NTM: variants seen among roughly 807,000 people sequenced by gnomAD.
The protein encoded by NTM is neurotrimin, also known as IgLON family member 2.
Under a neutral mutation model 42.1 loss-of-function variants are expected in NTM, and 13 were observed. The ratio of observed to expected loss-of-function variants is 0.31; its 90% CI spans 0.20 to 0.49. NTM has a LOEUF of 0.49. Among genes scored for constraint, NTM ranks in the 20% least tolerant of loss-of-function variants. NTM has a pLI of 0.99. For missense variants in NTM, 373 were observed against 452.8 expected, an observed-to-expected ratio of 0.82 and a Z score of 1.60; for synonymous variants, 187 against 179.2, an observed-to-expected ratio of 1.04 and a Z score of -0.35.
chr11:132,023,615 T>G (rs983636430), intron 2 of NTM, among the ~76,000 whole-genome samples: 1 of 152,180 alleles, frequency 6.6e-6, no homozygotes, highest in Non-Finnish European at 1.5e-5. Context: ...CACCCCTCTG[T>G]CCGATAGGAT....
At chr11:132,273,194 GTATAT>G (rs1167133862) in intron 4 of NTM, among the ~76,000 whole-genome samples, 1 of 151,084 alleles carries the variant, frequency 6.6e-6, no homozygotes, top group African/African-American at 2.4e-5. Flanking sequence ...TGTTGAAATG[GTATAT>G]TATATTAATC....
chr11:131,474,300 T>C (rs979782346), intron 1 of NTM, among the ~76,000 whole-genome samples: 8 of 152,122 alleles, frequency 5.3e-5, no homozygotes, highest in Admixed American at 5.2e-4. Context: ...TGTGGCCCAT[T>C]CCCCTTTCCC....
At chr11:131,798,796 T>C (rs2091852026) in intron 1 of NTM, among the ~76,000 whole-genome samples, 1 of 152,184 alleles carries the variant, frequency 6.6e-6, no homozygotes, top group South Asian at 2.1e-4. Flanking sequence ...TCCCTGTAGA[T>C]GGATAATAAC....
chr11:132,096,818 A>G (rs550951349), intron 2 of NTM, among the ~76,000 whole-genome samples: 3 of 152,140 alleles, frequency 2.0e-5, no homozygotes, highest in South Asian at 2.1e-4. Flanking sequence ...CCAGCTCACT[A>G]TGAGAGGAAC....
chr11:131,698,704 A>G (rs2075748608), intron 1 of NTM, among the ~76,000 whole-genome samples: 3 of 152,232 alleles, frequency 2.0e-5, no homozygotes, highest in Admixed American at 1.3e-4. Context: ...TTCGCATCAA[A>G]GTCAGAACCA....
intron 1 of NTM, among the ~76,000 whole-genome samples, chr11:131,735,385 G>A (rs953502938): frequency 5.3e-5 from 8 of 152,158 alleles, no homozygotes; most frequent in Admixed American, 1.3e-4. Context: ...TACAGTTCAC[G>A]AGAAAAGCCA....
At chr11:132,330,779 C>A (rs78481090) in intron 8 of NTM, among the ~76,000 whole-genome samples, 2 of 152,172 alleles carry the variant, frequency 1.3e-5, no homozygotes, top group African/African-American at 2.4e-5. Flanking sequence ...TTTAGGCCTC[C>A]GCAGCTCTCT....
chr11:131,855,828 G>A, intron 1 of NTM, among the ~76,000 whole-genome samples: 1 of 152,140 alleles, frequency 6.6e-6, no homozygotes, highest in Non-Finnish European at 1.5e-5. Context: ...CTCCCTGCAT[G>A]GATTTTGACT....
At chr11:131,824,717 T>C (rs1263751310) in intron 1 of NTM, among the ~76,000 whole-genome samples, 16 of 152,196 alleles carry the variant, frequency 1.1e-4, no homozygotes, top group Admixed American at 1.0e-3. Context: ...GAATAGTGAA[T>C]GAATCTTACT....
intron 2 of NTM, among the ~76,000 whole-genome samples, chr11:132,075,131 A>C (rs2058191677): frequency 6.6e-6 from 1 of 152,204 alleles, no homozygotes; most frequent in Non-Finnish European, 1.5e-5. Context: ...AGATATCTAA[A>C]ATAAGCAAAT....
At chr11:131,438,343 G>A (rs1404600586) in intron 1 of NTM, among the ~76,000 whole-genome samples, 1 of 151,550 alleles carries the variant, frequency 6.6e-6, no homozygotes, top group African/African-American at 2.4e-5. Flanking sequence ...GCTAGGTTGG[G>A]GAAGTTCTCC....
chr11:131,571,434 A>G (rs184729553), intron 1 of NTM, among the ~76,000 whole-genome samples: 1 of 152,362 alleles, frequency 6.6e-6, no homozygotes, highest in Non-Finnish European at 1.5e-5. Flanking sequence ...CAGGAAGTTT[A>G]AGCATCTTGC....
At chr11:131,776,636 G>C (rs2087032904) in intron 1 of NTM, among the ~76,000 whole-genome samples, 1 of 151,982 alleles carries the variant, frequency 6.6e-6, no homozygotes, top group African/African-American at 2.4e-5. Flanking sequence ...GTATTGGTTA[G>C]GGTAACGTTA....
intron 1 of NTM, among the ~76,000 whole-genome samples, chr11:131,896,231 C>T (rs1327772571): frequency 2.0e-5 from 3 of 152,086 alleles, no homozygotes; most frequent in African/African-American, 4.8e-5. Context: ...CATTACTGTG[C>T]AGAAAATAAG....
chr11:131,831,016 T>C (rs931132770), intron 1 of NTM, among the ~76,000 whole-genome samples: 12 of 152,226 alleles, frequency 7.9e-5, no homozygotes, highest in East Asian at 1.9e-4. Flanking sequence ...TTTTTGTACA[T>C]GGATTCCGAA....
At chr11:131,860,982 C>A (rs926041757) in intron 1 of NTM, among the ~76,000 whole-genome samples, 6 of 152,178 alleles carry the variant, frequency 3.9e-5, no homozygotes, top group African/African-American at 1.4e-4. Flanking sequence ...TTGCCAGGGG[C>A]TTTTGCACCC....
chr11:131,960,022 T>A (rs1277775606), intron 2 of NTM, among the ~76,000 whole-genome samples: 2 of 152,194 alleles, frequency 1.3e-5, no homozygotes, highest in African/African-American at 2.4e-5. Context: ...GTAGTTGTGT[T>A]ATCCATAACA....
chr11:132,187,963 T>C lies in NTM; in HGVS notation c.401-24059T>C, dbSNP rs573007033. 1.5e-4 allele frequency among the ~76,000 whole-genome samples: 23 copies of C among 152,234 alleles called. 1 individual carries two copies. Among genetic ancestry groups the C allele is most frequent in the African/African-American group, 5.3e-4 (22 of 41,536 alleles). On this transcript the variant is annotated intron_variant, in intron 3 of 8. Transcript: ENST00000683400. Reference sequence around the variant, plus strand: ...ACGTGGAGACTTCCAAAATGGAAAATGAGACATAGCATAACAGAAAGCAAG... The same window carrying C: ...ACGTGGAGACTTCCAAAATGGAAAACGAGACATAGCATAACAGAAAGCAAG...
chr11:131,794,857 T>A, intron 1 of NTM: 2 of 985,344 alleles, frequency 2.0e-6, no homozygotes, highest in Non-Finnish European at 2.4e-6. Flanking sequence ...CTGCCATAGG[T>A]AACGGCCTCC....
Sources: allele counts gnomAD v4.1 joint callset (sites outside exome capture counted in the v4.1 genomes callset), GRCh38; gene constraint gnomAD v4.1.1; transcripts MANE v1.5; gene names NCBI Gene and HGNC (gene_info 2026-07-23, HGNC 2026-07-21).